PCBP2: variants seen among roughly 807,000 people sequenced by gnomAD.
PCBP2 encodes poly(rC) binding protein 2.
In PCBP2, 4 loss-of-function variants were observed where a neutral mutation model predicts 50.1. That is an observed-to-expected ratio of 0.08 (90% CI 0.04 to 0.18). PCBP2 has a LOEUF of 0.18. PCBP2 is among the 10% of genes least tolerant of loss of function. The pLI is 1.00. For missense variants in PCBP2, 161 were observed against 474.3 expected (o/e 0.34, Z 6.14); for synonymous variants, 179 against 168.0 (o/e 1.07, Z -0.51).
intron 5 of PCBP2, among the ~76,000 whole-genome samples, chr12:53,457,495 A>G (rs1469523759): frequency 6.6e-6 from 1 of 151,892 alleles, no homozygotes; most frequent in African/African-American, 2.4e-5. Context: ...ACAGGCTTGA[A>G]CCACCATGTC....
chr12:53,459,552 A>C (rs1941290935), intron 6 of PCBP2, 149 bp downstream of exon 6: 1 of 539,942 alleles, frequency 1.9e-6, no homozygotes. Flanking sequence ...TGAAAATAAA[A>C]CTCATGCAAT....
intron 13 of PCBP2, among the ~76,000 whole-genome samples, chr12:53,470,379 A>C (rs1266365727): frequency 2.8e-4 from 10 of 35,748 alleles, no homozygotes; most frequent in African/African-American, 4.7e-4. Flanking sequence ...TCCGTCTCTC[A>C]AAAAAAAAAA....
chr12:53,468,917 C>CTTTTTTTTTTTTTTTTTTT lies in PCBP2; in HGVS notation c.882+86_882+104dup, dbSNP rs5798266. 19 of 574,538 alleles carry CTTTTTTTTTTTTTTTTTTT rather than the reference C, an allele frequency of 3.3e-5. 1 individual carries two copies. In the African/African-American group the frequency reaches 4.1e-4, roughly 13 times the overall value. 35.6% of individuals were successfully genotyped at this position (574,538 alleles called of 1,614,324 possible). On this transcript the variant is annotated intron_variant, in intron 13 of 14. Transcript: ENST00000546463. ...GTCGTTTCAGCAGTGTCCTGCTACC[C>CTTTTTTTTTTTTTTTTTTT]TTTTTTTTTTTTTTTTTTTAAACAG... is the stretch of plus-strand genomic sequence containing the variant.
intron 1 of PCBP2, among the ~76,000 whole-genome samples, chr12:53,452,645 G>T (rs377244302): frequency 9.8e-4 from 149 of 151,610 alleles, no homozygotes; most frequent in Non-Finnish European, 1.1e-3. Flanking sequence ...GCGCGCGGTA[G>T]GGGGGGCGGC....
intron 10 of PCBP2, 97 bp from the exon 11 acceptor site, chr12:53,467,124 A>C (rs751647020): frequency 1.2e-6 from 1 of 844,618 alleles, no homozygotes; most frequent in Non-Finnish European, 2.0e-6. Flanking sequence ...AGTAGAGTCA[A>C]TTTTGGGAAT....
At chr12:53,464,685 TTG>T in intron 8 of PCBP2, 73 bp from the exon 9 acceptor site, 1 of 1,557,610 alleles carries the variant, frequency 6.4e-7, no homozygotes, top group Non-Finnish European at 8.6e-7. Context: ...ACAACTTTTT[TTG>T]TGTGAATTTC....
intron 14 of PCBP2, among the ~76,000 whole-genome samples, chr12:53,474,332 T>C (rs1359915224): frequency 1.3e-5 from 2 of 152,264 alleles, no homozygotes; most frequent in Admixed American, 6.5e-5. Context: ...CTTTGGACTC[T>C]TGTCTCTTTC....
In PCBP2 at chr12:53,455,340, AT is replaced by A; in HGVS notation, c.70-5del. 1 of 1,613,456 alleles carries A rather than the reference AT, an allele frequency of 6.2e-7. No individual in the cohort carries two copies. Among genetic ancestry groups the A allele is most frequent in the Non-Finnish European group, 8.5e-7 (1 of 1,179,536 alleles). On this transcript the variant is annotated splice_polypyrimidine_tract_variant and splice_region_variant and intron_variant, in intron 2 of 14. Transcript: ENST00000546463. Reference sequence around the variant, plus strand: ...CCTCTTACTGACGTTAGTTTTCTCCATTGCAGGAAGTTGGCAGTATCATCGG... The same window carrying A: ...CCTCTTACTGACGTTAGTTTTCTCCATGCAGGAAGTTGGCAGTATCATCGG...
chr12:53,466,096 T>G (rs1406022086), intron 10 of PCBP2, 123 bp downstream of exon 10: 15 of 816,408 alleles, frequency 1.8e-5, no homozygotes, highest in African/African-American at 1.7e-4. Context: ...TTAAGTTGTT[T>G]TCTTCACAAG....
chr12:53,466,687 G>C (rs1239616048), intron 10 of PCBP2, among the ~76,000 whole-genome samples: 2 of 152,186 alleles, frequency 1.3e-5, no homozygotes, highest in African/African-American at 2.4e-5. Context: ...AGTCAGGACA[G>C]TTTATATAGA....
At chr12:53,469,893 C>A (rs1942090014) in intron 13 of PCBP2, among the ~76,000 whole-genome samples, 1 of 151,524 alleles carries the variant, frequency 6.6e-6, no homozygotes, top group Non-Finnish European at 1.5e-5. Context: ...AGGCATGTGC[C>A]ACCATGTCCG....
intron 10 of PCBP2, among the ~76,000 whole-genome samples, chr12:53,466,766 T>C (rs1941853508): frequency 6.6e-6 from 1 of 152,078 alleles, no homozygotes; most frequent in African/African-American, 2.4e-5. Flanking sequence ...TTTCTTCACC[T>C]CTCTCCTCCT....
chr12:53,468,027 T>C (rs1173907619), intron 12 of PCBP2, 184 bp downstream of exon 12: 4 of 593,906 alleles, frequency 6.7e-6, no homozygotes, highest in African/African-American at 1.9e-5. Context: ...AACCCCCTTC[T>C]AAAAATGATG....
chr12:53,461,904 T>C (rs1941476482), intron 7 of PCBP2, among the ~76,000 whole-genome samples: 1 of 152,120 alleles, frequency 6.6e-6, no homozygotes. Flanking sequence ...AGACGGGATT[T>C]TGCCATGTTG....
chr12:53,464,976 G>A, intron 9 of PCBP2, 124 bp downstream of exon 9: 1 of 1,190,502 alleles, frequency 8.4e-7, no homozygotes, highest in East Asian at 3.2e-5. Flanking sequence ...TGTCCACGGG[G>A]ACCTGGACTG....
chr12:53,470,500 G>T (rs1028711294), intron 13 of PCBP2, among the ~76,000 whole-genome samples: 15 of 151,498 alleles, frequency 9.9e-5, no homozygotes, highest in African/African-American at 3.4e-4. Flanking sequence ...GAACTTCCAG[G>T]CTTAAGAGAT....
chr12:53,473,399 A>G (rs1473876891), intron 14 of PCBP2, among the ~76,000 whole-genome samples: 7 of 152,100 alleles, frequency 4.6e-5, no homozygotes. Flanking sequence ...TCTTATTTGT[A>G]ATTAGGATTT....
chr12:53,470,722 A>G (rs1252848080), intron 13 of PCBP2, among the ~76,000 whole-genome samples: 1 of 149,780 alleles, frequency 6.7e-6, no homozygotes, highest in Non-Finnish European at 1.5e-5. Context: ...GTCCAGGGTC[A>G]TATTTTTTAC....
chr12:53,471,824 T>C lies in PCBP2; in HGVS notation c.1052+17T>C, dbSNP rs771386399. The C allele has an allele frequency of 1.0e-5, 16 of 1,603,756 alleles. No homozygotes were observed. The highest frequency in any genetic ancestry group is 1.3e-5 in the Non-Finnish European group (15 of 1,174,328). ...CAATGTCAGGTAAGATTGCTCTACC[T>C]TTTGTCTTATTTATGCCAACACAGT... On this transcript the variant is annotated intron_variant, in intron 14 of 14. Transcript: ENST00000546463.
Sources: gnomAD v4.1 joint callset for allele counts (sites outside exome capture counted in the v4.1 genomes callset) on GRCh38, gnomAD v4.1.1 for gene constraint, MANE v1.5 for transcripts, NCBI Gene and HGNC (gene_info 2026-07-23, HGNC 2026-07-21) for gene names.